The following DNAH5 variants were observed in gnomAD, a reference collection of about 807,000 sequenced individuals.
The protein encoded by DNAH5 is dynein axonemal heavy chain 5.
In DNAH5, 372 loss-of-function variants were observed where a neutral mutation model predicts 518.2. That is an observed-to-expected ratio of 0.72 (90% confidence interval 0.66 to 0.78). The LOEUF (loss-of-function observed/expected upper bound fraction) is 0.78. DNAH5 is among the 30% of genes least tolerant of loss of function. The pLI is 0.00. For synonymous variants in DNAH5, 2,039 were observed against 2,025.9 expected (o/e 1.01, Z -0.17); for missense variants, 5,523 against 5,687.0 (o/e 0.97, Z 0.93).
chr5:13,719,256 A>T (rs1744725229), intron 71 of DNAH5, among the ~76,000 whole-genome samples, 155 bp from the exon 72 acceptor site: 1 of 152,240 alleles, frequency 6.6e-6, no homozygotes, highest in South Asian at 2.1e-4. Context: ...AAAAATGTTT[A>T]ATTGCGATAA....
At chr5:13,773,213 T>A (rs138721990) in intron 55 of DNAH5, among the ~76,000 whole-genome samples, 1 of 152,194 alleles carries the variant, frequency 6.6e-6, no homozygotes, top group African/African-American at 2.4e-5. Flanking sequence ...AATTACTGGT[T>A]ATCAAAAGAT....
At chr5:13,867,625 T>C (rs926401280) in intron 25 of DNAH5, 149 bp downstream of exon 25, 1 of 693,828 alleles carries the variant, frequency 1.4e-6, no homozygotes, top group African/African-American at 1.8e-5. Context: ...TGAAAAAAAA[T>C]GTTTTTCTCT....
intron 1 of DNAH5, among the ~76,000 whole-genome samples, chr5:14,006,971 G>A (rs1367628509): frequency 4.6e-5 from 7 of 152,056 alleles, no homozygotes; most frequent in Non-Finnish European, 8.8e-5. Context: ...CACTTCTTCT[G>A]GCTGGACAGC....
intron 1 of DNAH5, among the ~76,000 whole-genome samples, chr5:13,984,155 T>A (rs1782871907): frequency 6.6e-6 from 1 of 152,130 alleles, no homozygotes; most frequent in Non-Finnish European, 1.5e-5. Flanking sequence ...TGTTGCCAGC[T>A]TTGAAGGAGC....
intron 33 of DNAH5, 40 bp downstream of exon 33, chr5:13,841,652 C>T (rs775401892): frequency 6.7e-7 from 1 of 1,496,186 alleles, no homozygotes; most frequent in Non-Finnish European, 9.3e-7. Context: ...CTTAAAATGA[C>T]TATTTTACAA....
rs1366350681 is a variant in DNAH5 at position 13,735,873 on chromosome 5, T to C, written c.11515A>G (p.Met3839Val). The C allele has an allele frequency of 6.2e-7, 1 of 1,614,132 alleles. No homozygotes were observed. The highest frequency in any genetic ancestry group is 1.1e-5 in the South Asian group (1 of 91,078). Reference protein sequence around the residue: ...LITEMRLVNEMYQTSLRQFLG... With the variant: ...LITEMRLVNEVYQTSLRQFLG... ...AACTGGCGAAGCGAAGTCTGATACA[T>C]CTCATTAACCAAGCGCATCTCAGTA... Residue 3839 changes from methionine to valine, a missense_variant, in exon 67 of 79, where the codon ATG becomes GTG. This residue lies in a region of DNAH5 where 5,121 missense variants were observed against 5,223.3 expected (regional missense o/e 0.98). Coordinates refer to ENST00000265104, the MANE Select transcript of DNAH5 (RefSeq NM_001369.3).
At chr5:13,977,962 A>G (rs1269364671) in intron 1 of DNAH5, among the ~76,000 whole-genome samples, 1 of 152,080 alleles carries the variant, frequency 6.6e-6, no homozygotes, top group Non-Finnish European at 1.5e-5. Flanking sequence ...CCTAAACCTG[A>G]CTCAGGCCTG....
chr5:13,733,281 T>A (rs1420022582), intron 68 of DNAH5, among the ~76,000 whole-genome samples: 1 of 152,192 alleles, frequency 6.6e-6, no homozygotes, highest in Admixed American at 6.5e-5. Flanking sequence ...TAACTCTAAA[T>A]CTTATGTTTG....
chr5:13,814,692 G>C lies in DNAH5; in HGVS notation c.7143C>G (p.Asn2381Lys), dbSNP rs148062042. The change falls in exon 43 of 79, where the codon AAC becomes AAG. Residue 2381 changes from asparagine (N) to lysine (K), a missense_variant. Coordinates refer to ENST00000265104, the MANE Select transcript of DNAH5 (RefSeq NM_001369.3). ...CGGTGGCAGGAGAAGCATTGTCAAT[G>C]TTATGAGGCTCGAAAATGATCTTGC... ...PNCKIIFEPH[N>K]IDNASPATVS... is the part of the protein sequence containing the mutation. 6.2e-7 allele frequency: 1 copy of C among 1,614,102 alleles called. No homozygotes were observed. The highest frequency in any genetic ancestry group is 1.3e-5 in the African/African-American group (1 of 75,048).
rs1770935026 is a variant in DNAH5, at chr5:13,876,675, T to C, written c.3396+9A>G. On this transcript the variant is annotated intron_variant, in intron 22 of 78. Coordinates refer to ENST00000265104, the MANE Select transcript of DNAH5 (RefSeq NM_001369.3). Reference sequence around the variant, plus strand: ...CAAAAGGTCCGGCTGCCAGACCCTCTTGACATACCTTTTTGGTGGAGTTGA... The same window carrying C: ...CAAAAGGTCCGGCTGCCAGACCCTCCTGACATACCTTTTTGGTGGAGTTGA... 3.1e-6 allele frequency: 5 copies of C among 1,613,142 alleles called. No individual in the cohort carries two copies. Among genetic ancestry groups the C allele is most frequent in the South Asian group, 1.1e-5 (1 of 90,892 alleles).
At position 13,700,844 on chromosome 5, in the gene DNAH5, C is replaced by T; in HGVS notation, c.13519G>A (p.Ala4507Thr). The change falls in exon 78 of 79, where the codon GCT becomes ACT. Residue 4507 changes from alanine (A) to threonine (T), a missense_variant. Coordinates refer to ENST00000265104, the MANE Select transcript of DNAH5 (RefSeq NM_001369.3). ...TTGCAAAGCACCATATTGTCCAGAGCCCAGCCTTTGTTGGCCCGAGTTATT... is the reference window on the plus strand; with the variant it reads ...TTGCAAAGCACCATATTGTCCAGAGTCCAGCCTTTGTTGGCCCGAGTTATT... ...QEITRANKGW[A>T]LDNMVLCNEV... 1 of 1,614,120 alleles carries T rather than the reference C, an allele frequency of 6.2e-7. No individual in the cohort carries two copies. Among genetic ancestry groups the T allele is most frequent in the Non-Finnish European group, 8.5e-7 (1 of 1,179,998 alleles).
rs1303701419 is a variant in DNAH5, at chr5:13,841,834, G to A, written c.5342C>T (p.Ala1781Val). ...AAGCCAAACTTCCACATTGCCCTCT[G>A]CCATGACAGGTTTATCCAATTCAAT... ...ETIELDKPVM[A>V]EGNVEVWLNS... is the part of the protein sequence containing the mutation. Residue 1781 changes from alanine (A) to valine (V), a missense_variant, in exon 33 of 79, where the codon GCA becomes GTA. Coordinates refer to ENST00000265104, the MANE Select transcript of DNAH5 (RefSeq NM_001369.3). The A allele has an allele frequency of 2.5e-6, 4 of 1,606,556 alleles. No individual in the cohort carries two copies. The highest frequency in any genetic ancestry group is 3.4e-6 in the Non-Finnish European group (4 of 1,178,230).
At chr5:13,765,938 T>C (rs1166109903) in intron 59 of DNAH5, 38 bp downstream of exon 59, 1 of 1,588,878 alleles carries the variant, frequency 6.3e-7, no homozygotes, top group Admixed American at 1.7e-5. Flanking sequence ...CAGTGAAGAA[T>C]GAGTTCCCTC....
In DNAH5 at chr5:13,871,713, T is replaced by C; in HGVS notation, c.3449A>G (p.Lys1150Arg). ...TGTCTTAATGGCTTCTTCTTTTCCC[T>C]TTTGCCAAATGTGATTGTAGCGTTT... ...CFKRYNHIWQ[K>R]GKEEAIKTFI... The change falls in exon 23 of 79, where the codon AAG becomes AGG. Residue 1150 changes from lysine to arginine, a missense_variant. Lys to Arg is a conservative substitution (Grantham distance 26). This residue lies in a region of DNAH5 where 5,121 missense variants were observed against 5,223.3 expected (regional missense o/e 0.98). Transcript: ENST00000265104. The C allele has an allele frequency of 1.9e-6, 3 of 1,613,706 alleles. No homozygotes were observed. Among genetic ancestry groups the C allele is most frequent in the Middle Eastern group, 1.7e-4 (1 of 6,058 alleles).
chr5:13,922,251 G>A lies in DNAH5; in HGVS notation c.516C>T (p.Phe172=), dbSNP rs748394144. ...NSVRRLLSDI[F]IPALRATSHG... is the part of the protein sequence containing the mutation. ...GGCTCGTGGCTCTGAGAGCAGGAAT[G>A]AAGATGTCCGACAGCAAACGTCTCA... Residue 172 remains phenylalanine (F), a synonymous_variant, in exon 5 of 79, where the codon TTC becomes TTT. Transcript: ENST00000265104. 2 of 1,613,906 alleles carry A rather than the reference G, an allele frequency of 1.2e-6. No individual in the cohort carries two copies. Among genetic ancestry groups the A allele is most frequent in the Admixed American group, 3.3e-5 (2 of 60,012 alleles).
intron 29 of DNAH5, among the ~76,000 whole-genome samples, chr5:13,861,854 G>A (rs1768462482): frequency 6.7e-6 from 1 of 149,342 alleles, no homozygotes; most frequent in Non-Finnish European, 1.5e-5. Context: ...TACTCAGGAA[G>A]CTGCGGCAGA....
In DNAH5 at chr5:13,816,651, A is replaced by G. The variant is rs186069021; in HGVS notation, c.6988+897T>C. ...AGTGGGTTAGTGGAACAAATCAGGAATAAAATTCGATTTATTTCCAGTAGA... is the reference window on the plus strand; with the variant it reads ...AGTGGGTTAGTGGAACAAATCAGGAGTAAAATTCGATTTATTTCCAGTAGA... On this transcript the variant is annotated intron_variant, in intron 42 of 78. Transcript: ENST00000265104. Among the ~76,000 whole-genome samples the G allele has an allele frequency of 7.0e-4, 107 of 152,336 alleles. No individual in the cohort carries two copies. The Middle Eastern group carries it at 0.01, about 15-fold the overall frequency.
intron 47 of DNAH5, among the ~76,000 whole-genome samples, chr5:13,805,771 C>T (rs1167100996): frequency 1.3e-5 from 2 of 152,144 alleles, no homozygotes; most frequent in Non-Finnish European, 2.9e-5. Context: ...TAGCATTTCT[C>T]CGAGTTCTGT....
chr5:13,870,890 T>C lies in DNAH5; in HGVS notation c.3711A>G (p.Glu1237=), dbSNP rs2151918811. 6.2e-7 allele frequency: 1 copy of C among 1,613,902 alleles called. No homozygotes were observed. The highest frequency in any genetic ancestry group is 8.5e-7 in the Non-Finnish European group (1 of 1,179,866). Residue 1237 remains glutamate (E), a synonymous_variant, in exon 24 of 79, where the codon GAA becomes GAG. Coordinates refer to ENST00000265104, the MANE Select transcript of DNAH5 (RefSeq NM_001369.3). The part of the protein sequence containing the change: ...SEMENIFMLI[E]EFNKKLNRPI... The stretch of plus-strand genomic sequence containing the variant: ...GACGATTTAGTTTCTTATTGAATTC[T>C]TCAATAAGCATAAAAATGTTTTCCA...
Sources: allele counts gnomAD v4.1 joint callset (sites outside exome capture counted in the v4.1 genomes callset), GRCh38; gene constraint gnomAD v4.1.1; regional missense constraint gnomAD v4.1.1; transcripts MANE v1.5; gene names NCBI Gene and HGNC (gene_info 2026-07-23, HGNC 2026-07-21).